HCN1: variants seen among roughly 807,000 people sequenced by gnomAD.
HCN1 encodes potassium/sodium hyperpolarization-activated cyclic nucleotide-gated channel 1.
HCN1 carries 13 observed loss-of-function variants against 78.9 expected under a neutral mutation model. That is an observed-to-expected ratio of 0.16 (90% CI 0.11 to 0.26). The LOEUF (loss-of-function observed/expected upper bound fraction) is 0.26, where lower values mean the gene tolerates loss of function less well. HCN1 is among the 10% of genes least tolerant of loss of function. The pLI, the probability that HCN1 is intolerant of heterozygous loss-of-function variation, is 1.00. For missense variants in HCN1, 810 were observed against 1,154.3 expected (o/e 0.70, Z 4.32); for synonymous variants, 552 against 455.5 (o/e 1.21, Z -2.70).
chr5:45,499,371 C>A, intron 2 of HCN1, among the ~76,000 whole-genome samples: 1 of 152,162 alleles, frequency 6.6e-6, no homozygotes, highest in East Asian at 1.9e-4. Flanking sequence ...TCTGTCACCC[C>A]TTTCTTTGAC....
chr5:45,462,147 C>G, intron 2 of HCN1, 140 bp from the exon 3 acceptor site: 1 of 690,910 alleles, frequency 1.4e-6, no homozygotes, highest in Non-Finnish European at 2.5e-6. Context: ...GAAATAGAAA[C>G]AGATTACATT....
At chr5:45,382,789 G>A (rs532732874) in intron 4 of HCN1, among the ~76,000 whole-genome samples, 175 of 152,254 alleles carry the variant, frequency 1.1e-3, no homozygotes, top group Admixed American at 2.0e-3. Context: ...TATCTCAGAT[G>A]AAATAATGAT....
intron 3 of HCN1, among the ~76,000 whole-genome samples, chr5:45,405,295 G>A (rs902073853): frequency 6.6e-6 from 1 of 152,154 alleles, no homozygotes; most frequent in Non-Finnish European, 1.5e-5. Flanking sequence ...GTCAAAAAGA[G>A]TGTGTTTACT....
At position 45,438,649 on chromosome 5, in the gene HCN1, A is replaced by G. The variant is rs545776567; in HGVS notation, c.1011+23197T>C. ...AACAAACAACAACAACAAAAACAAC[A>G]AAACACCTGAGTTAAATTGCAGCTC... On this transcript the variant is annotated intron_variant, in intron 3 of 7. Coordinates refer to ENST00000303230, the MANE Select transcript of HCN1 (RefSeq NM_021072.4). Among the ~76,000 whole-genome samples the G allele has an allele frequency of 1.4e-3, 207 of 152,166 alleles. 1 individual carries two copies. Among genetic ancestry groups the G allele is most frequent in the Admixed American group, 3.1e-3 (48 of 15,286 alleles).
At chr5:45,594,072 A>G (rs1346407056) in intron 2 of HCN1, among the ~76,000 whole-genome samples, 1 of 152,104 alleles carries the variant, frequency 6.6e-6, no homozygotes, top group East Asian at 1.9e-4. Context: ...CTCTTAAGGG[A>G]CCCTTAAAAG....
intron 2 of HCN1, among the ~76,000 whole-genome samples, chr5:45,586,043 C>G (rs1318145367): frequency 6.6e-6 from 1 of 152,170 alleles, no homozygotes; most frequent in African/African-American, 2.4e-5. Context: ...CCACTACTCT[C>G]TTCGAAGCTG....
At chr5:45,509,300 CT>C (rs1475416949) in intron 2 of HCN1, among the ~76,000 whole-genome samples, 5 of 151,990 alleles carry the variant, frequency 3.3e-5, no homozygotes, top group African/African-American at 1.2e-4. Context: ...CATTTATGCT[CT>C]TTGGGTTATG....
At chr5:45,648,933 T>C (rs1745624639) in intron 1 of HCN1, among the ~76,000 whole-genome samples, 1 of 151,818 alleles carries the variant, frequency 6.6e-6, no homozygotes, top group South Asian at 2.1e-4. Context: ...CAGCACTGAC[T>C]CTCTCAATTA....
intron 2 of HCN1, among the ~76,000 whole-genome samples, chr5:45,510,944 A>G (rs1742403929): frequency 6.6e-6 from 1 of 152,096 alleles, no homozygotes; most frequent in Admixed American, 6.6e-5. Flanking sequence ...AATACAAAAT[A>G]AACACTGGGG....
At position 45,695,979 on chromosome 5, in the gene HCN1, G is replaced by C; in HGVS notation, c.115C>G (p.Leu39Val). 1 of 1,300,946 alleles carries C rather than the reference G, an allele frequency of 7.7e-7. No homozygotes were observed. Among genetic ancestry groups the C allele is most frequent in the East Asian group, 3.4e-5 (1 of 28,988 alleles). The allele number at this position is 1,300,946 out of a possible 1,614,324, so 80.6% of individuals were successfully genotyped here. Residue 39 changes from leucine to valine, a missense_variant, in exon 1 of 8, where the codon CTG (leucine) becomes GTG (valine). Leu to Val is a conservative substitution (Grantham distance 32). Transcript: ENST00000303230. ...CCGCCGCCCCCCGGCGGGGTGCCCA[G>C]GCGCTTCTCGGCCGCGGCCGGCCCC... ...GAGPAAAEKR[L>V]GTPPGGGGAG...
At chr5:45,616,035 A>G (rs1367355047) in intron 2 of HCN1, among the ~76,000 whole-genome samples, 2 of 151,860 alleles carry the variant, frequency 1.3e-5, no homozygotes, top group East Asian at 3.9e-4. Context: ...AATGAAAATG[A>G]CTAAAAGAGG....
intron 5 of HCN1, among the ~76,000 whole-genome samples, chr5:45,312,176 T>A (rs1298977993): frequency 6.6e-6 from 1 of 152,210 alleles, no homozygotes; most frequent in East Asian, 1.9e-4. Flanking sequence ...AAGATTTTTC[T>A]TATGCAATGC....
intron 2 of HCN1, among the ~76,000 whole-genome samples, chr5:45,557,664 C>A (rs559808023): frequency 6.6e-6 from 1 of 152,158 alleles, no homozygotes; most frequent in African/African-American, 2.4e-5. Context: ...GTAATTCTTG[C>A]AATATTTCAA....
At chr5:45,482,014 G>A (rs1027102222) in intron 2 of HCN1, among the ~76,000 whole-genome samples, 4 of 152,140 alleles carry the variant, frequency 2.6e-5, no homozygotes, top group Non-Finnish European at 4.4e-5. Flanking sequence ...TATGTGATAG[G>A]TGTTCAGTAA....
chr5:45,428,887 G>A (rs1740408086), intron 3 of HCN1, among the ~76,000 whole-genome samples: 1 of 152,038 alleles, frequency 6.6e-6, no homozygotes, highest in South Asian at 2.1e-4. Context: ...TGTTTCATAT[G>A]TAATCGGAAA....
intron 6 of HCN1, among the ~76,000 whole-genome samples, chr5:45,292,985 T>C (rs760085240): frequency 2.2e-4 from 34 of 152,074 alleles, no homozygotes; most frequent in Non-Finnish European, 4.0e-4. Flanking sequence ...AATTCAATAA[T>C]AGGCTAAATG....
chr5:45,303,082 C>A (rs1449357330), intron 6 of HCN1, among the ~76,000 whole-genome samples: 2 of 152,086 alleles, frequency 1.3e-5, no homozygotes, highest in Non-Finnish European at 2.9e-5. Context: ...CTACATTTTG[C>A]AGCCTTCCTT....
chr5:45,560,123 TGATACA>T (rs1743564831), intron 2 of HCN1: 1 of 152,152 alleles, frequency 6.6e-6, no homozygotes, highest in African/African-American at 2.4e-5. Flanking sequence ...TATACCAAAC[TGATACA>T]AATTGGTTTT....
At chr5:45,374,301 G>GTATACATTA (rs71000632) in intron 4 of HCN1, among the ~76,000 whole-genome samples, 23 of 123,994 alleles carry the variant, frequency 1.9e-4, no homozygotes, top group African/African-American at 3.4e-4. Context: ...TATATATATT[G>GTATACATTA]TATACATTAT....
Sources: gnomAD v4.1 joint callset for allele counts (sites outside exome capture counted in the v4.1 genomes callset) on GRCh38, gnomAD v4.1.1 for gene constraint, MANE v1.5 for transcripts, NCBI Gene and HGNC (gene_info 2026-07-23, HGNC 2026-07-21) for gene names.